The following OSBPL8 variants were observed in gnomAD, a reference collection of about 807,000 sequenced individuals.
OSBPL8 encodes oxysterol binding protein like 8, also known as oxysterol-binding protein-related protein 8.
In OSBPL8, 59 loss-of-function variants were observed where a neutral mutation model predicts 125.5. The observed-to-expected ratio is 0.47, with a 90% confidence interval of 0.38 to 0.58. The LOEUF is 0.58. Among genes scored for constraint, OSBPL8 ranks in the 20% least tolerant of loss-of-function variants. OSBPL8 has a pLI of 0.00. For synonymous variants in OSBPL8, 330 were observed against 338.9 expected (o/e 0.97, Z 0.29); for missense variants, 758 against 1,047.8 (o/e 0.72, Z 3.82).
chr12:76,514,862 T>C (rs1046571826), intron 1 of OSBPL8, among the ~76,000 whole-genome samples: 1 of 152,224 alleles, frequency 6.6e-6, no homozygotes, highest in African/African-American at 2.4e-5. Context: ...TTTAACTCTT[T>C]TTTATGTTTG....
rs550581127 is a variant in OSBPL8 at position 76,555,518 on chromosome 12, A to C, written c.-68+3879T>G. On this transcript the variant is annotated intron_variant, in intron 1 of 23. Coordinates refer to ENST00000261183, the MANE Select transcript of OSBPL8 (RefSeq NM_020841.5). ...GATAAACGAATCAAAATATGTTTTA[A>C]AGATCTGCAGACAAACGTTTTAATA... 1.1e-4 allele frequency among the ~76,000 whole-genome samples: 17 copies of C among 152,356 alleles called. No individual in the cohort carries two copies. The East Asian group carries it at 3.3e-3, about 29-fold the overall frequency.
chr12:76,537,173 A>G (rs140341103), intron 1 of OSBPL8: 79 of 152,422 alleles, frequency 5.2e-4, no homozygotes, highest in African/African-American at 1.7e-3. Context: ...TCTGATTTCT[A>G]TAAATGACTG....
At chr12:76,419,430 A>G (rs1869183586) in intron 4 of OSBPL8, among the ~76,000 whole-genome samples, 1 of 152,168 alleles carries the variant, frequency 6.6e-6, no homozygotes, top group African/African-American at 2.4e-5. Context: ...ATACAGTAAA[A>G]TAACTGCTTA....
chr12:76,531,049 TATAAA>T (rs1950326052), intron 1 of OSBPL8, among the ~76,000 whole-genome samples: 1 of 152,132 alleles, frequency 6.6e-6, no homozygotes, highest in African/African-American at 2.4e-5. Context: ...CTGGGTGATT[TATAAA>T]AAGAGGTTTA....
intron 3 of OSBPL8, among the ~76,000 whole-genome samples, chr12:76,457,954 G>A (rs553855808): frequency 1.5e-4 from 23 of 152,166 alleles, no homozygotes; most frequent in African/African-American, 5.5e-4. Context: ...AGTATCACAA[G>A]GCTGAACAAC....
intron 4 of OSBPL8, among the ~76,000 whole-genome samples, chr12:76,423,713 T>G (rs1056553432): frequency 3.3e-5 from 5 of 152,140 alleles, no homozygotes; most frequent in Non-Finnish European, 7.4e-5. Flanking sequence ...TAATTCAGAT[T>G]TAAAAGCTCT....
intron 5 of OSBPL8, among the ~76,000 whole-genome samples, chr12:76,406,668 T>C (rs1022822527): frequency 6.6e-6 from 1 of 152,108 alleles, no homozygotes; most frequent in African/African-American, 2.4e-5. Context: ...CAGTCTGGAG[T>C]GCAGTGGTGT....
At chr12:76,535,262 T>C (rs1950459984) in intron 1 of OSBPL8, among the ~76,000 whole-genome samples, 1 of 151,780 alleles carries the variant, frequency 6.6e-6, no homozygotes, top group Non-Finnish European at 1.5e-5. Context: ...GAACCTTCAA[T>C]AAGAAATCAA....
At chr12:76,455,517 C>T (rs1873929054) in intron 3 of OSBPL8, among the ~76,000 whole-genome samples, 2 of 152,186 alleles carry the variant, frequency 1.3e-5, no homozygotes, top group Admixed American at 6.5e-5. Flanking sequence ...AAAGTTAGCT[C>T]TATTCACCCT....
intron 21 of OSBPL8, chr12:76,366,460 T>C (rs1173408609): frequency 2.9e-6 from 1 of 339,840 alleles, no homozygotes; most frequent in African/African-American, 2.2e-5. Context: ...TGATGGTTTA[T>C]CGATTTTGTT....
intron 4 of OSBPL8, among the ~76,000 whole-genome samples, chr12:76,446,070 GA>G (rs1165148592): frequency 1.3e-5 from 2 of 152,116 alleles, no homozygotes; most frequent in Non-Finnish European, 2.9e-5. Flanking sequence ...AAAATGGGGG[GA>G]ATAATGATTT....
chr12:76,558,330 G>A (rs1322299818), intron 1 of OSBPL8, among the ~76,000 whole-genome samples: 1 of 152,090 alleles, frequency 6.6e-6, no homozygotes, highest in African/African-American at 2.4e-5. Flanking sequence ...TGAAACTCTA[G>A]GAAATTAGCA....
At chr12:76,469,289 T>C (rs1009209453) in intron 2 of OSBPL8, among the ~76,000 whole-genome samples, 10 of 152,328 alleles carry the variant, frequency 6.6e-5, no homozygotes, top group South Asian at 6.2e-4. Context: ...ATGATTCTCC[T>C]GGTGAATTCA....
rs1169325750 is a variant in OSBPL8, at chr12:76,355,571, A to G, written c.*318T>C. On this transcript the variant is annotated 3_prime_UTR_variant, in exon 24 of 24. Coordinates refer to ENST00000261183, the MANE Select transcript of OSBPL8 (RefSeq NM_020841.5). ...ATCTCAGAACATACTATAGAATACA[A>G]AGACTACTGTCAGGTAGGAGTACAT... 1 of 186,454 alleles carries G rather than the reference A, an allele frequency of 5.4e-6. No individual in the cohort carries two copies. Among genetic ancestry groups the G allele is most frequent in the Non-Finnish European group, 1.1e-5 (1 of 90,992 alleles). The allele number at this position is 186,454 out of a possible 1,614,324, so 11.5% of individuals were successfully genotyped here. A position where few individuals can be genotyped will look rare whatever the true frequency, so the allele number is the denominator to read the frequency against.
intron 20 of OSBPL8, 89 bp downstream of exon 20, chr12:76,369,542 TAAATAA>T: frequency 7.1e-7 from 1 of 1,403,174 alleles, no homozygotes; most frequent in South Asian, 1.4e-5. Flanking sequence ...ATGGTTTAAT[TAAATAA>T]AAACTACTCC....
At chr12:76,502,609 A>G (rs1880016704) in intron 1 of OSBPL8, among the ~76,000 whole-genome samples, 1 of 152,220 alleles carries the variant, frequency 6.6e-6, no homozygotes, top group South Asian at 2.1e-4. Flanking sequence ...ATATGATGGG[A>G]TATCTTTTAG....
intron 1 of OSBPL8, among the ~76,000 whole-genome samples, chr12:76,539,325 T>C (rs1013310671): frequency 1.8e-4 from 28 of 152,270 alleles, no homozygotes; most frequent in Middle Eastern, 3.4e-3. Context: ...TTTTTAAGTG[T>C]TTAAGCAAAA....
At chr12:76,443,531 CAG>C (rs1488918018) in intron 4 of OSBPL8, among the ~76,000 whole-genome samples, 1 of 152,060 alleles carries the variant, frequency 6.6e-6, no homozygotes, top group Non-Finnish European at 1.5e-5. Flanking sequence ...TTTTTTGAGA[CAG>C]AGTCTTGCTC....
At chr12:76,432,097 C>T (rs960230598) in intron 4 of OSBPL8, among the ~76,000 whole-genome samples, 1 of 151,886 alleles carries the variant, frequency 6.6e-6, no homozygotes, top group Admixed American at 6.6e-5. Flanking sequence ...GTTAAGTAAT[C>T]GATAACAGTA....
Sources: allele counts gnomAD v4.1 joint callset (sites outside exome capture counted in the v4.1 genomes callset), GRCh38; gene constraint gnomAD v4.1.1; transcripts MANE v1.5; gene names NCBI Gene and HGNC (gene_info 2026-07-23, HGNC 2026-07-21).